SCHIP1: variants seen among roughly 807,000 people sequenced by gnomAD.
The protein encoded by SCHIP1 is schwannomin interacting protein 1.
SCHIP1 carries 8 observed loss-of-function variants against 29.7 expected under a neutral mutation model. That is an observed-to-expected ratio of 0.27 (90% CI 0.16 to 0.49). The LOEUF (loss-of-function observed/expected upper bound fraction) is 0.49, where lower values mean the gene tolerates loss of function less well. Among genes scored for constraint, SCHIP1 ranks in the 20% least tolerant of loss-of-function variants. SCHIP1 has a pLI of 0.99. For missense variants in SCHIP1, 193 were observed against 294.6 expected, an observed-to-expected ratio of 0.66 and a Z score of 2.52; for synonymous variants, 76 against 94.9, an observed-to-expected ratio of 0.80 and a Z score of 1.16.
chr3:159,336,078 A>C, the SCHIP1 span, among the ~76,000 whole-genome samples: 1 of 152,126 alleles, frequency 6.6e-6, no homozygotes, highest in Non-Finnish European at 1.5e-5. Context: ...TTTGATTTGC[A>C]TTTCTCTGAT....
the SCHIP1 span, among the ~76,000 whole-genome samples, chr3:159,769,414 C>T: frequency 6.6e-6 from 1 of 152,220 alleles, no homozygotes; most frequent in African/African-American, 2.4e-5. Context: ...AGCCTGTTCC[C>T]TGTCTCTGGA....
chr3:159,794,511 T>G, the SCHIP1 span, among the ~76,000 whole-genome samples: 1 of 152,136 alleles, frequency 6.6e-6, no homozygotes, highest in Non-Finnish European at 1.5e-5. Flanking sequence ...ATTCTTGAAT[T>G]TTTTCTTCCA....
chr3:159,521,180 C>A, the SCHIP1 span, among the ~76,000 whole-genome samples: 1 of 152,190 alleles, frequency 6.6e-6, no homozygotes, highest in Non-Finnish European at 1.5e-5. Flanking sequence ...AAAGTGACCT[C>A]ATGTCTTCCT....
At chr3:159,504,701 G>T in the SCHIP1 span, among the ~76,000 whole-genome samples, 1 of 152,074 alleles carries the variant, frequency 6.6e-6, no homozygotes, top group African/African-American at 2.4e-5. Flanking sequence ...CTAGCTTTAT[G>T]TAGAGAATCA....
At chr3:159,437,601 G>A in the SCHIP1 span, among the ~76,000 whole-genome samples, 5 of 152,008 alleles carry the variant, frequency 3.3e-5, no homozygotes, top group East Asian at 1.9e-4. Context: ...GGAAGGAGAC[G>A]GTGGAGGGGG....
the SCHIP1 span, among the ~76,000 whole-genome samples, chr3:159,692,006 G>A: frequency 1.1e-4 from 16 of 144,218 alleles, no homozygotes; most frequent in South Asian, 2.2e-4. Context: ...TGGGTAACCC[G>A]ACCTTTCTTT....
chr3:159,680,480 G>C, the SCHIP1 span, among the ~76,000 whole-genome samples: 6 of 137,762 alleles, frequency 4.4e-5, no homozygotes, highest in Middle Eastern at 3.7e-3. Context: ...CTGCACTCCA[G>C]CCTGGTGACA....
the SCHIP1 span, among the ~76,000 whole-genome samples, chr3:159,452,392 C>T: frequency 2.0e-5 from 3 of 152,112 alleles, no homozygotes; most frequent in Admixed American, 6.6e-5. Flanking sequence ...TAAGTGAGAA[C>T]ATGCAGTGTT....
the SCHIP1 span, among the ~76,000 whole-genome samples, chr3:159,812,685 A>G: frequency 0.091 from 13,936 of 152,306 alleles, 1,615 homozygotes; most frequent in East Asian, 0.52. Context: ...TTGGATTTGT[A>G]TAAGTGTTAT....
At chr3:159,855,047 A>G (rs1264651634) in intron 1 of SCHIP1, among the ~76,000 whole-genome samples, 1 of 152,232 alleles carries the variant, frequency 6.6e-6, no homozygotes, top group Admixed American at 6.5e-5. Flanking sequence ...AGAATGCCGC[A>G]TATGATTTCA....
At chr3:159,891,438 A>G (rs1431771601) in intron 5 of SCHIP1, among the ~76,000 whole-genome samples, 2 of 152,086 alleles carry the variant, frequency 1.3e-5, no homozygotes, top group East Asian at 3.9e-4. Context: ...GGGAAGAAAG[A>G]TTTCTGTCTC....
the SCHIP1 span, among the ~76,000 whole-genome samples, chr3:159,559,212 G>T: frequency 6.6e-6 from 1 of 152,184 alleles, no homozygotes; most frequent in Non-Finnish European, 1.5e-5. Flanking sequence ...ACTCTGCACA[G>T]ATAGAGAAAG....
At chr3:159,778,133 C>T in the SCHIP1 span, among the ~76,000 whole-genome samples, 1 of 152,086 alleles carries the variant, frequency 6.6e-6, no homozygotes, top group African/African-American at 2.4e-5. Context: ...AGGCGCCCGC[C>T]AGCGCGCCTG....
the SCHIP1 span, among the ~76,000 whole-genome samples, chr3:159,751,657 G>T: frequency 5.9e-5 from 9 of 151,402 alleles, no homozygotes; most frequent in Non-Finnish European, 1.0e-4. Context: ...CCATTCTCCT[G>T]CCTCAGCCTC....
At chr3:159,856,914 C>G (rs1431857016) in intron 1 of SCHIP1, among the ~76,000 whole-genome samples, 1 of 152,162 alleles carries the variant, frequency 6.6e-6, no homozygotes, top group East Asian at 1.9e-4. Context: ...TCTCTGCCCT[C>G]CCCACACAAT....
At chr3:159,387,449 C>T in the SCHIP1 span, 1 of 256,282 alleles carries the variant, frequency 3.9e-6, no homozygotes. Flanking sequence ...TCTGTGAGCT[C>T]TGCAGGCTCC....
At chr3:159,385,279 C>G in the SCHIP1 span, among the ~76,000 whole-genome samples, 280 of 152,236 alleles carry the variant, frequency 1.8e-3, no homozygotes, top group African/African-American at 6.5e-3. Context: ...GTTGAACAAC[C>G]GCACATGATG....
At chr3:159,637,157 T>G in the SCHIP1 span, among the ~76,000 whole-genome samples, 2 of 152,218 alleles carry the variant, frequency 1.3e-5, no homozygotes, top group African/African-American at 4.8e-5. Flanking sequence ...ATATTTTTCA[T>G]TGTTCTTTAA....
At chr3:159,311,683 T>G in the SCHIP1 span, among the ~76,000 whole-genome samples, 2 of 152,164 alleles carry the variant, frequency 1.3e-5, no homozygotes, top group Non-Finnish European at 2.9e-5. Flanking sequence ...ATTTGTATAC[T>G]TGCAAAGAAA....
Sources: gnomAD v4.1 joint callset for allele counts (sites outside exome capture counted in the v4.1 genomes callset) on GRCh38, gnomAD v4.1.1 for gene constraint, MANE v1.5 for transcripts, NCBI Gene and HGNC (gene_info 2026-07-23, HGNC 2026-07-21) for gene names.